Variants in CLGN observed in about 807,000 individuals in gnomAD.
CLGN encodes calmegin, also known as testis tissue sperm-binding protein Li 79P.
A neutral mutation model predicts 79.1 loss-of-function variants in CLGN; 62 were observed. The observed-to-expected ratio is 0.78, with a 90% CI of 0.64 to 0.97. The LOEUF is 0.97. Among genes scored for constraint, CLGN ranks in the 50% least tolerant of loss-of-function variants. The pLI is 0.00. For missense variants in CLGN, 647 were observed against 715.5 expected (o/e 0.90, Z 1.09); for synonymous variants, 225 against 224.7 (o/e 1.00, Z -0.01).
chr4:140,402,093 T>C (rs771997066), intron 5 of CLGN, 27 bp from the exon 6 acceptor site: 14 of 1,155,154 alleles, frequency 1.2e-5, no homozygotes, highest in Non-Finnish European at 1.6e-5. Context: ...AGAACCGTAC[T>C]ACTGATAAAT....
Position 140,422,140 on chromosome 4 carries a change from G to A in CLGN, c.-10+5397C>T, listed in dbSNP as rs1472760152. 2.6e-5 allele frequency among the ~76,000 whole-genome samples: 4 copies of A among 152,192 alleles called. No individual in the cohort carries two copies. The East Asian group carries it at 7.7e-4, about 29-fold the overall frequency. ...TTTATTGTATCCCATTGATATATAT[G>A]TCTGTCTTTATGCCAGTCTCACACT... On this transcript the variant is annotated intron_variant, in intron 1 of 14. Transcript: ENST00000325617.
rs1560740987 is a variant in CLGN, at chr4:140,399,085, C to CT, written c.695-46_695-45insA. 6 of 1,475,046 alleles carry CT rather than the reference C, an allele frequency of 4.1e-6. No individual in the cohort carries two copies. In the South Asian group the frequency reaches 7.7e-5, roughly 19 times the overall value. The allele number at this position is 1,475,046 out of a possible 1,614,324, so 91.4% of individuals were successfully genotyped here. On this transcript the variant is annotated intron_variant, in intron 7 of 14. Transcript: ENST00000325617. ...AAATTATAGTTATCATTTTGATATA[C>CT]GCTTTAAAGATAATCTTCTAAATAA...
At chr4:140,420,612 A>C (rs894056811) in intron 1 of CLGN, among the ~76,000 whole-genome samples, 15 of 152,004 alleles carry the variant, frequency 9.9e-5, no homozygotes, top group African/African-American at 3.6e-4. Flanking sequence ...GCAGTATCCT[A>C]TCATTCTTCA....
rs76550209 is a variant in CLGN at position 140,394,000 on chromosome 4, G to A, written c.1191C>T (p.Phe397=). 3 of 1,613,504 alleles carry A rather than the reference G, an allele frequency of 1.9e-6. No individual in the cohort carries two copies. The highest frequency in any genetic ancestry group is 1.3e-5 in the African/African-American group (1 of 75,020). ...SPRKIPNPDY[F]EDDHPFLLTS... ...TCAGAAGAAATGGATGATCATCTTC[G>A]AAATAATCTGGATTAGGAATTTTTC... Residue 397 remains phenylalanine (F), a synonymous_variant, in exon 11 of 15, where the codon TTC becomes TTT. Coordinates refer to ENST00000325617, the MANE Select transcript of CLGN (RefSeq NM_004362.3).
rs1728745673 is a variant in CLGN at position 140,390,174 on chromosome 4, G to A, written c.1752+454C>T. ...GGAGAAAAGTTCACTAAAGATTTGA[G>A]AAAAATACCCTATCAGGCAGATAGT... is the stretch of plus-strand genomic sequence containing the variant. On this transcript the variant is annotated intron_variant, in intron 14 of 14. Coordinates refer to ENST00000325617, the MANE Select transcript of CLGN (RefSeq NM_004362.3). 1.3e-5 allele frequency among the ~76,000 whole-genome samples: 2 copies of A among 151,722 alleles called. 1 individual carries two copies. The highest frequency in any genetic ancestry group is 4.2e-4 in the South Asian group (2 of 4,816).
chr4:140,416,966 AC>A (rs1182736121), intron 1 of CLGN, among the ~76,000 whole-genome samples: 1 of 152,210 alleles, frequency 6.6e-6, no homozygotes, highest in Non-Finnish European at 1.5e-5. Flanking sequence ...ATACTGCCAA[AC>A]TGAATCCAGC....
At chr4:140,411,331 A>G (rs1034201608) in intron 2 of CLGN, among the ~76,000 whole-genome samples, 2 of 152,134 alleles carry the variant, frequency 1.3e-5, no homozygotes, top group African/African-American at 4.8e-5. Context: ...CTTACATATA[A>G]AGCCAAGACT....
At chr4:140,391,287 C>T (rs1444596374) in intron 13 of CLGN, among the ~76,000 whole-genome samples, 1 of 151,644 alleles carries the variant, frequency 6.6e-6, no homozygotes, top group African/African-American at 2.4e-5. Context: ...TACGTAGTTC[C>T]AATGTGGGAC....
chr4:140,396,153 C>G lies in CLGN; in HGVS notation c.937G>C (p.Gly313Arg). 6.2e-7 allele frequency: 1 copy of G among 1,614,166 alleles called. No individual in the cohort carries two copies. The highest frequency in any genetic ancestry group is 8.5e-7 in the Non-Finnish European group (1 of 1,180,024). The change falls in exon 9 of 15, where the codon GGC (glycine) becomes CGC (arginine). Residue 313 changes from glycine to arginine, a missense_variant. Gly to Arg is a moderately radical substitution (Grantham distance 125). Coordinates refer to ENST00000325617, the MANE Select transcript of CLGN (RefSeq NM_004362.3). ...AATTTTGGTTCATCATCAAGCCAGC[C>G]AGCAGGTTTAACAACACTTGAATCT... is the stretch of plus-strand genomic sequence containing the variant. ...IEDSSVVKPA[G>R]WLDDEPKFIP...
At chr4:140,398,696 A>G (rs1356374741) in intron 8 of CLGN, among the ~76,000 whole-genome samples, 155 bp downstream of exon 8, 1 of 152,212 alleles carries the variant, frequency 6.6e-6, no homozygotes, top group African/African-American at 2.4e-5. Context: ...AGGGAAGTGT[A>G]AAATCCATTT....
chr4:140,411,894 T>C (rs1364530353), intron 2 of CLGN, among the ~76,000 whole-genome samples: 1 of 152,166 alleles, frequency 6.6e-6, no homozygotes, highest in African/African-American at 2.4e-5. Context: ...CTTCACCCTA[T>C]GTAGATTACT....
rs1455630765 is a variant in CLGN at position 140,396,899 on chromosome 4, A to ATG, written c.885-695_885-694insCA. Among the ~76,000 whole-genome samples, 3 of 59,156 alleles carry ATG rather than the reference A, an allele frequency of 5.1e-5. 1 individual carries two copies. Among genetic ancestry groups the ATG allele is most frequent in the Non-Finnish European group, 7.7e-5 (2 of 26,134 alleles). 38.8% of individuals were successfully genotyped at this position (59,156 alleles called of 152,430 possible). On this transcript the variant is annotated intron_variant, in intron 8 of 14. Coordinates refer to ENST00000325617, the MANE Select transcript of CLGN (RefSeq NM_004362.3). ...CATATATATATATATATGTATATAT[A>ATG]TATATATGTATATATATATATATAC...
At position 140,412,924 on chromosome 4, in the gene CLGN, A is replaced by C. The variant is rs769870725; in HGVS notation, c.144+11T>G. 5.6e-6 allele frequency: 9 copies of C among 1,610,370 alleles called. No individual in the cohort carries two copies. The highest frequency in any genetic ancestry group is 1.7e-5 in the Admixed American group (1 of 59,538). ...AGGAATAATTTATAACCCATTTCTC[A>C]ATAACCATACCTCTGAGGAAAGTTC... On this transcript the variant is annotated intron_variant, in intron 2 of 14. Transcript: ENST00000325617.
intron 8 of CLGN, among the ~76,000 whole-genome samples, chr4:140,396,874 C>T (rs867997385): frequency 5.1e-4 from 56 of 109,500 alleles, no homozygotes; most frequent in South Asian, 1.7e-3. Context: ...TATATATATA[C>T]ATATATATAT....
Position 140,404,773 on chromosome 4 carries a change from G to A in CLGN, c.419+1169C>T, listed in dbSNP as rs577751144. Reference sequence around the variant, plus strand: ...GGGCTTAGGTGATCCTCCCACCTCAGCCTCCAGAGTAGCTGGGACTACAGT... The same window carrying A: ...GGGCTTAGGTGATCCTCCCACCTCAACCTCCAGAGTAGCTGGGACTACAGT... On this transcript the variant is annotated intron_variant, in intron 5 of 14. Coordinates refer to ENST00000325617, the MANE Select transcript of CLGN (RefSeq NM_004362.3). Among the ~76,000 whole-genome samples, 12 of 152,058 alleles carry A rather than the reference G, an allele frequency of 7.9e-5. No homozygotes were observed. In the East Asian group the frequency reaches 2.3e-3, roughly 30 times the overall value.
intron 10 of CLGN, 76 bp from the exon 11 acceptor site, chr4:140,394,117 T>A: frequency 9.9e-7 from 1 of 1,011,958 alleles, no homozygotes; most frequent in Admixed American, 2.3e-5. Flanking sequence ...GTAGCTGCTG[T>A]TGAATGAAAT....
intron 5 of CLGN, among the ~76,000 whole-genome samples, chr4:140,402,850 G>C (rs1332821627): frequency 6.6e-6 from 1 of 151,482 alleles, no homozygotes; most frequent in Non-Finnish European, 1.5e-5. Context: ...CTGTCAAACA[G>C]TAAAAACAAA....
At chr4:140,403,316 A>G (rs905814964) in intron 5 of CLGN, among the ~76,000 whole-genome samples, 2 of 152,192 alleles carry the variant, frequency 1.3e-5, no homozygotes, top group Non-Finnish European at 2.9e-5. Flanking sequence ...ACCTCAAAGG[A>G]TTGTTATGAT....
At chr4:140,391,095 C>G (rs1382169760) in intron 13 of CLGN, among the ~76,000 whole-genome samples, 1 of 151,590 alleles carries the variant, frequency 6.6e-6, no homozygotes, top group East Asian at 1.9e-4. Context: ...CTGTGGACAT[C>G]ATGCATTTTT....
Sources: gnomAD v4.1 joint callset for allele counts (sites outside exome capture counted in the v4.1 genomes callset) on GRCh38, gnomAD v4.1.1 for gene constraint, MANE v1.5 for transcripts, NCBI Gene and HGNC (gene_info 2026-07-23, HGNC 2026-07-21) for gene names.